Variants in RGL1 observed in about 807,000 individuals in gnomAD.
RGL1 encodes the protein ral guanine nucleotide dissociation stimulator-like 1.
A neutral mutation model predicts 95.2 loss-of-function variants in RGL1; 24 were observed. The ratio of observed to expected loss-of-function variants is 0.25; its 90% CI spans 0.18 to 0.35. The LOEUF (loss-of-function observed/expected upper bound fraction) is 0.35, where lower values mean the gene tolerates loss of function less well. Among genes scored for constraint, RGL1 ranks in the 10% least tolerant of loss-of-function variants. The pLI is 1.00. For missense variants in RGL1, 715 were observed against 936.3 expected (o/e 0.76, Z 3.08); for synonymous variants, 329 against 344.9 (o/e 0.95, Z 0.51).
rs533031873 is a variant in RGL1 at position 183,871,615 on chromosome 1, A to G, written c.425+5542A>G. Among the ~76,000 whole-genome samples, 4 of 152,352 alleles carry G rather than the reference A, an allele frequency of 2.6e-5. No individual in the cohort carries two copies. The South Asian group carries it at 8.3e-4, about 32-fold the overall frequency. On this transcript the variant is annotated intron_variant, in intron 4 of 17. Transcript: ENST00000360851. Reference sequence around the variant, plus strand: ...CATTTTATACAGGCTCCCAAGTACCAAGTAAAATCTTTCCTGTATTTCCAA... The same window carrying G: ...CATTTTATACAGGCTCCCAAGTACCGAGTAAAATCTTTCCTGTATTTCCAA...
chr1:183,904,798 G>T (rs913204531), intron 12 of RGL1, 52 bp from the exon 13 acceptor site: 14 of 1,546,770 alleles, frequency 9.1e-6, no homozygotes, highest in South Asian at 1.2e-5. Flanking sequence ...TATTTGGTTG[G>T]CCTTATTATT....
chr1:183,847,791 G>C lies in RGL1; in HGVS notation c.347+17G>C. 6.2e-7 allele frequency: 1 copy of C among 1,602,702 alleles called. No individual in the cohort carries two copies. The highest frequency in any genetic ancestry group is 8.5e-7 in the Non-Finnish European group (1 of 1,170,838). ...GCTGGACAGGTAAGAATGTAAAGGA[G>C]CTTTTGAGTTGAAAGAAATGTAGGC... is the stretch of plus-strand genomic sequence containing the variant. On this transcript the variant is annotated intron_variant, in intron 3 of 17. Coordinates refer to ENST00000360851, the MANE Select transcript of RGL1 (RefSeq NM_001297671.3).
At chr1:183,832,484 G>A (rs1287201791) in intron 2 of RGL1, among the ~76,000 whole-genome samples, 1 of 152,180 alleles carries the variant, frequency 6.6e-6, no homozygotes, top group African/African-American at 2.4e-5. Flanking sequence ...GAAACTCTAA[G>A]GATATATGTG....
Position 183,684,658 on chromosome 1 carries a change from C to T in RGL1, c.-33+48157C>T, listed in dbSNP as rs374742478. Among the ~76,000 whole-genome samples the T allele has an allele frequency of 2.1e-3, 320 of 152,308 alleles. 1 individual carries two copies. Among genetic ancestry groups the T allele is most frequent in the African/African-American group, 7.5e-3 (312 of 41,558 alleles). On this transcript the variant is annotated intron_variant, in intron 1 of 18. Transcript: ENST00000304685. ...GTATGAAAAAAACTTCTGCAGCTAG[C>T]TTGGTGTCTGCTCAAATGGCTGCCC...
chr1:183,774,362 G>T lies in RGL1; in HGVS notation c.133-32013G>T, dbSNP rs552943994. 2.0e-5 allele frequency among the ~76,000 whole-genome samples: 3 copies of T among 152,308 alleles called. No homozygotes were observed. The South Asian group carries it at 6.2e-4, about 32-fold the overall frequency. ...AAAGCAAAAAGGGCACTGCAGAAAT[G>T]ATAAGGGACAGATGATTTTTAAACA... is the stretch of plus-strand genomic sequence containing the variant. On this transcript the variant is annotated intron_variant, in intron 2 of 18. Coordinates refer to the RGL1 transcript ENST00000304685.
chr1:183,700,332 A>G lies in RGL1; in HGVS notation c.-32-41794A>G, dbSNP rs530010186. Among the ~76,000 whole-genome samples, 9 of 152,106 alleles carry G rather than the reference A, an allele frequency of 5.9e-5. No individual in the cohort carries two copies. The East Asian group carries it at 1.7e-3, about 29-fold the overall frequency. On this transcript the variant is annotated intron_variant, in intron 1 of 18. Transcript: ENST00000304685. ...AATGGTTGGATTTCAACTTTGTAGTATTATTCCAGGAGCATCTGTATAGTA... is the reference window on the plus strand; with the variant it reads ...AATGGTTGGATTTCAACTTTGTAGTGTTATTCCAGGAGCATCTGTATAGTA...
intron 1 of RGL1, among the ~76,000 whole-genome samples, chr1:183,741,828 C>T (rs7520083): frequency 0.46 from 69,323 of 151,998 alleles, 16,921 homozygotes; most frequent in East Asian, 0.8. Context: ...ATCACTCCCC[C>T]TGAGAGCACC....
At position 183,875,894 on chromosome 1, in the gene RGL1, C is replaced by A. The variant is rs950537438; in HGVS notation, c.426-4722C>A. ...CTCAAAAAAAAAAAAAAAAAAAAAT[C>A]AATGAGTATAGCAGATTTCATCATG... On this transcript the variant is annotated intron_variant, in intron 4 of 17. Transcript: ENST00000360851. 4.7e-5 allele frequency among the ~76,000 whole-genome samples: 6 copies of A among 128,592 alleles called. No individual in the cohort carries two copies. In the East Asian group the frequency reaches 1.4e-3, roughly 30 times the overall value. The allele number at this position is 128,592 out of a possible 152,430, so 84.4% of individuals were successfully genotyped here.
intron 4 of RGL1, among the ~76,000 whole-genome samples, chr1:183,873,164 A>C (rs1453142059): frequency 6.6e-6 from 1 of 152,214 alleles, no homozygotes; most frequent in African/African-American, 2.4e-5. Flanking sequence ...CAAAAAGAAG[A>C]CAGATCAATC....
At chr1:183,687,396 T>A (rs1187732702) in intron 1 of RGL1, among the ~76,000 whole-genome samples, 1 of 152,204 alleles carries the variant, frequency 6.6e-6, no homozygotes, top group South Asian at 2.1e-4. Context: ...GGAAAATTAT[T>A]CCTTTGCTGG....
intron 1 of RGL1, among the ~76,000 whole-genome samples, chr1:183,655,217 A>G (rs1418718736): frequency 6.6e-6 from 1 of 152,206 alleles, no homozygotes; most frequent in Non-Finnish European, 1.5e-5. Flanking sequence ...TCAGTTTGGC[A>G]CTCCAAAAAT....
intron 2 of RGL1, among the ~76,000 whole-genome samples, chr1:183,748,591 G>T (rs1320399486): frequency 3.3e-5 from 5 of 151,900 alleles, no homozygotes; most frequent in Middle Eastern, 3.4e-3. Context: ...ATTTTTAGTA[G>T]AGTTGGGGGT....
intron 4 of RGL1, among the ~76,000 whole-genome samples, chr1:183,867,056 G>A (rs1665884141): frequency 1.3e-5 from 2 of 152,310 alleles, no homozygotes; most frequent in East Asian, 1.9e-4. Flanking sequence ...AAGGAAGATC[G>A]AGGGAGCAGG....
intron 2 of RGL1, among the ~76,000 whole-genome samples, chr1:183,780,870 G>C (rs1017264280): frequency 6.6e-6 from 1 of 152,144 alleles, no homozygotes; most frequent in Non-Finnish European, 1.5e-5. Context: ...TCCTTTCCCA[G>C]GCCCAAGAAA....
chr1:183,889,931 G>A (rs1667321889), intron 8 of RGL1, among the ~76,000 whole-genome samples: 1 of 152,074 alleles, frequency 6.6e-6, no homozygotes, highest in Non-Finnish European at 1.5e-5. Flanking sequence ...TAATCAAGGT[G>A]ATTGTGTGTA....
intron 2 of RGL1, among the ~76,000 whole-genome samples, chr1:183,822,111 C>A (rs1662528891): frequency 6.6e-6 from 1 of 151,804 alleles, no homozygotes; most frequent in South Asian, 2.1e-4. Context: ...GAAAAGGCTC[C>A]AAAAATGAAG....
chr1:183,648,781 T>C, intron 1 of RGL1: 2 of 1,581,946 alleles, frequency 1.3e-6, no homozygotes, highest in Non-Finnish European at 1.7e-6. Context: ...ATGGGCTCCA[T>C]TGCTAGATTT....
chr1:183,844,044 T>C (rs957723900), intron 2 of RGL1, among the ~76,000 whole-genome samples: 5 of 151,948 alleles, frequency 3.3e-5, no homozygotes, highest in Non-Finnish European at 7.4e-5. Flanking sequence ...CAGGCTGTTC[T>C]TGAACTCCTG....
intron 3 of RGL1, among the ~76,000 whole-genome samples, chr1:183,857,950 G>C (rs1363101134): frequency 6.6e-6 from 1 of 152,172 alleles, no homozygotes; most frequent in East Asian, 1.9e-4. Context: ...TCATAGCCAG[G>C]CTAGCTTTCT....
Sources: allele counts gnomAD v4.1 joint callset (sites outside exome capture counted in the v4.1 genomes callset), GRCh38; gene constraint gnomAD v4.1.1; transcripts MANE v1.5; gene names NCBI Gene and HGNC (gene_info 2026-07-23, HGNC 2026-07-21).